Variants in CERKL observed in about 807,000 individuals in gnomAD.
The protein encoded by CERKL is CERK like autophagy regulator.
A neutral mutation model predicts 63.4 loss-of-function variants in CERKL; 61 were observed. That is an observed-to-expected ratio of 0.96 (90% confidence interval 0.78 to 1.19). The LOEUF is 1.19. Ranked by LOEUF, CERKL falls within the 50% of genes most tolerant of loss-of-function variation. The pLI, the probability that CERKL is intolerant of heterozygous loss-of-function variation, is 0.00. For missense variants in CERKL, 675 were observed against 655.5 expected (o/e 1.03, Z -0.33); for synonymous variants, 250 against 230.5 (o/e 1.08, Z -0.77).
chr2:181,648,391 A>C (rs1687755299), intron 1 of CERKL, among the ~76,000 whole-genome samples: 1 of 152,086 alleles, frequency 6.6e-6, no homozygotes, highest in African/African-American at 2.4e-5. Flanking sequence ...TAATTTATTC[A>C]AGATGCTAAA....
At chr2:181,604,332 G>T (rs1444830689) in intron 1 of CERKL, among the ~76,000 whole-genome samples, 1 of 152,036 alleles carries the variant, frequency 6.6e-6, no homozygotes, top group Non-Finnish European at 1.5e-5. Flanking sequence ...TGAATTACTA[G>T]TAAGAAATAA....
chr2:181,550,677 C>G lies in CERKL; in HGVS notation c.821-969G>C, dbSNP rs569878177. 6.6e-6 allele frequency among the ~76,000 whole-genome samples: 1 copy of G among 152,124 alleles called. No individual in the cohort carries two copies. The highest frequency in any genetic ancestry group is 1.5e-5 in the Non-Finnish European group (1 of 68,012). ...TCAGAAGCATTCCTATGTGATCATA[C>G]ATAATTGCTTCAATTTGTGTTACTT... On this transcript the variant is annotated intron_variant, in intron 5 of 12. Coordinates refer to ENST00000410087, the MANE Select transcript of CERKL (RefSeq NM_201548.5). The surrounding 1 kb of genome is among the most constrained non-coding windows in gnomAD (Gnocchi z 4.5).
chr2:181,616,336 C>T (rs1686194940), intron 1 of CERKL, among the ~76,000 whole-genome samples: 2 of 151,110 alleles, frequency 1.3e-5, no homozygotes, highest in Non-Finnish European at 1.5e-5. Flanking sequence ...GCTTCAGCCT[C>T]CCAAGTAGCT....
intron 2 of CERKL, among the ~76,000 whole-genome samples, chr2:181,586,975 C>A (rs191224629): frequency 1.2e-3 from 189 of 152,306 alleles, no homozygotes; most frequent in Non-Finnish European, 2.0e-3. Flanking sequence ...AACCCAAACA[C>A]AGGAAATAGA....
chr2:181,574,905 G>A (rs548562034), intron 2 of CERKL, among the ~76,000 whole-genome samples: 1 of 152,212 alleles, frequency 6.6e-6, no homozygotes, highest in South Asian at 2.1e-4. Context: ...TGATTTTAGG[G>A]AGAGTTTTAG....
intron 1 of CERKL, among the ~76,000 whole-genome samples, chr2:181,609,447 GC>G (rs1198705369): frequency 6.7e-6 from 1 of 149,080 alleles, no homozygotes; most frequent in Non-Finnish European, 1.5e-5. Flanking sequence ...TGTAATCCCA[GC>G]ACTTTGGGAG....
chr2:181,643,661 G>A (rs891689641), intron 1 of CERKL, among the ~76,000 whole-genome samples: 2 of 152,186 alleles, frequency 1.3e-5, no homozygotes, highest in South Asian at 2.1e-4. Context: ...CTAAAGGGCC[G>A]TCATTTCAGA....
chr2:181,617,743 T>G (rs6720139), intron 1 of CERKL, among the ~76,000 whole-genome samples: 6,113 of 152,242 alleles, frequency 0.04, 387 homozygotes, highest in African/African-American at 0.14. Context: ...ACCAATAAAT[T>G]TTCAAATAGC....
chr2:181,622,098 G>C (rs1041892424), intron 1 of CERKL, among the ~76,000 whole-genome samples: 1 of 152,136 alleles, frequency 6.6e-6, no homozygotes, highest in African/African-American at 2.4e-5. Flanking sequence ...CTTCTAAATA[G>C]GTTCTGCTAA....
chr2:181,568,460 T>C (rs1051761710), intron 3 of CERKL, among the ~76,000 whole-genome samples: 2 of 152,310 alleles, frequency 1.3e-5, no homozygotes, highest in East Asian at 3.9e-4. Context: ...CAAGGCCAGT[T>C]GTTTCTGTCT....
At chr2:181,569,368 C>T (rs896847659) in intron 3 of CERKL, among the ~76,000 whole-genome samples, 2 of 152,110 alleles carry the variant, frequency 1.3e-5, no homozygotes, top group Admixed American at 1.3e-4. Context: ...TTTTGTGACA[C>T]AGTTTCATTA....
chr2:181,572,818 A>G (rs1688968288), intron 3 of CERKL, among the ~76,000 whole-genome samples: 1 of 135,200 alleles, frequency 7.4e-6, no homozygotes, highest in South Asian at 2.2e-4. Context: ...ACCTCAATCC[A>G]TCAGATCACT....
intron 1 of CERKL, chr2:181,650,155 AAGGAAGGAAAGAAG>A (rs1167933894): frequency 1.4e-5 from 2 of 143,000 alleles, no homozygotes; most frequent in African/African-American, 5.9e-5. Context: ...GGAAGGAAGG[AAGGAAGGAAAGAAG>A]GAAGGAGAAA....
intron 5 of CERKL, among the ~76,000 whole-genome samples, chr2:181,552,874 T>C (rs1688045125): frequency 1.7e-5 from 1 of 57,984 alleles, no homozygotes; most frequent in African/African-American, 1.1e-4. Context: ...GTAAAAAATA[T>C]ATTATTTTTA....
intron 2 of CERKL, among the ~76,000 whole-genome samples, chr2:181,589,253 G>A (rs1224556445): frequency 2.6e-5 from 4 of 152,204 alleles, no homozygotes; most frequent in African/African-American, 9.6e-5. Context: ...ATTGTATGAT[G>A]TATAAAAACT....
intron 2 of CERKL, among the ~76,000 whole-genome samples, chr2:181,594,285 C>T (rs1399082343): frequency 6.6e-6 from 1 of 152,078 alleles, no homozygotes; most frequent in Non-Finnish European, 1.5e-5. Flanking sequence ...CTTTGTGAGC[C>T]CACAGTTAGC....
chr2:181,618,951 T>G (rs1686332862), intron 1 of CERKL, among the ~76,000 whole-genome samples: 1 of 152,206 alleles, frequency 6.6e-6, no homozygotes, highest in Admixed American at 6.5e-5. Context: ...TTTCTTCACC[T>G]TGTATTAAAT....
chr2:181,649,682 A>C (rs1331221100), intron 1 of CERKL: 3 of 152,212 alleles, frequency 2.0e-5, no homozygotes, highest in African/African-American at 7.2e-5. Flanking sequence ...AGTCTTAACA[A>C]ATTTTAAAAG....
rs77496071 is a variant in CERKL, at chr2:181,537,837, T to C, written c.*347A>G. ...AGAGGCTAATTGTTAGTAACATCAA[T>C]TTCTATTAGGATATCCGTTTGGCCA... On this transcript the variant is annotated 3_prime_UTR_variant, in exon 13 of 13. Transcript: ENST00000410087. The C allele has an allele frequency of 7.1e-3, 3,481 of 488,766 alleles. 96 individuals are homozygous for C. Among genetic ancestry groups the C allele is most frequent in the African/African-American group, 0.062 (3,192 of 51,670 alleles). The allele number at this position is 488,766 out of a possible 1,614,324, so 30.3% of individuals were successfully genotyped here. A position where few individuals can be genotyped will look rare whatever the true frequency, so the allele number is the denominator to read the frequency against.
Sources: allele counts gnomAD v4.1 joint callset (sites outside exome capture counted in the v4.1 genomes callset), GRCh38; gene constraint gnomAD v4.1.1; non-coding constraint Gnocchi (gnomAD v3.1); transcripts MANE v1.5; gene names NCBI Gene and HGNC (gene_info 2026-07-23, HGNC 2026-07-21).